PTPRM: variants seen among roughly 807,000 people sequenced by gnomAD.
PTPRM encodes the protein receptor-type tyrosine-protein phosphatase mu.
A neutral mutation model predicts 186.7 loss-of-function variants in PTPRM; 47 were observed. The ratio of observed to expected loss-of-function variants is 0.25; its 90% CI spans 0.20 to 0.32. The LOEUF is 0.32. PTPRM is among the 10% of genes least tolerant of loss of function. The pLI, the probability that PTPRM is intolerant of heterozygous loss-of-function variation, is 1.00. For synonymous variants in PTPRM, 668 were observed against 674.9 expected (o/e 0.99, Z 0.16); for missense variants, 1,494 against 1,865.0 (o/e 0.80, Z 3.66).
chr18:7,907,065 C>T (rs550204538), intron 4 of PTPRM, among the ~76,000 whole-genome samples: 3 of 152,238 alleles, frequency 2.0e-5, no homozygotes, highest in South Asian at 2.1e-4. Flanking sequence ...CCAGAAATGG[C>T]CTGCTCTTCA....
Position 7,705,321 on chromosome 18 carries a change from A to G in PTPRM, c.74-68828A>G, listed in dbSNP as rs868349696. Among the ~76,000 whole-genome samples the G allele has an allele frequency of 8.3e-3, 1,186 of 143,174 alleles. 21 individuals are homozygous for G. The highest frequency in any genetic ancestry group is 0.029 in the African/African-American group (1,139 of 39,476). The allele number at this position is 143,174 out of a possible 152,430, so 93.9% of individuals were successfully genotyped here. On this transcript the variant is annotated intron_variant, in intron 1 of 32. Coordinates refer to ENST00000580170, the MANE Select transcript of PTPRM (RefSeq NM_001105244.2). ...TATCTATCTATCTATCTATCTATCT[A>G]TCTATCTGTCTATCTAGCTAGCTAG...
chr18:7,886,782 A>G (rs180860543), intron 2 of PTPRM, among the ~76,000 whole-genome samples: 1 of 152,342 alleles, frequency 6.6e-6, no homozygotes, highest in Non-Finnish European at 1.5e-5. Flanking sequence ...GGTAGCAACC[A>G]TAAGAAAGCA....
intron 5 of PTPRM, among the ~76,000 whole-genome samples, chr18:7,929,548 G>A (rs1004529844): frequency 6.6e-6 from 1 of 152,150 alleles, no homozygotes; most frequent in Non-Finnish European, 1.5e-5. Context: ...GTGAATCTTT[G>A]TGATGTTAGA....
At chr18:8,032,374 G>A (rs2086037122) in intron 7 of PTPRM, among the ~76,000 whole-genome samples, 1 of 151,974 alleles carries the variant, frequency 6.6e-6, no homozygotes, top group South Asian at 2.1e-4. Flanking sequence ...TCTTATTGTT[G>A]TTTCCACTGC....
At chr18:8,250,708 G>A (rs950670860) in intron 17 of PTPRM, among the ~76,000 whole-genome samples, 6 of 151,570 alleles carry the variant, frequency 4.0e-5, no homozygotes, top group Admixed American at 3.9e-4. Context: ...AGGATTGCTG[G>A]AGCCCAGGAG....
At chr18:8,006,946 T>TTCCTAAGAGTTTAATTTCCA (rs1198582467) in intron 7 of PTPRM, among the ~76,000 whole-genome samples, 1 of 152,246 alleles carries the variant, frequency 6.6e-6, no homozygotes, top group Non-Finnish European at 1.5e-5. Flanking sequence ...GTTCTCAATA[T>TTCCTAAGAGTTTAATTTCCA]TCCTAAGAGT....
At chr18:7,622,231 C>T (rs1021713379) in intron 1 of PTPRM, among the ~76,000 whole-genome samples, 4 of 152,048 alleles carry the variant, frequency 2.6e-5, no homozygotes, top group Admixed American at 2.0e-4. Context: ...TTCTGAAATA[C>T]GTAGTGTATT....
chr18:7,599,444 A>G (rs1442932302), intron 1 of PTPRM, among the ~76,000 whole-genome samples: 1 of 152,182 alleles, frequency 6.6e-6, no homozygotes. Flanking sequence ...TAAGTTTACT[A>G]AAAGTACTAT....
intron 19 of PTPRM, among the ~76,000 whole-genome samples, chr18:8,260,540 C>T (rs2147484942): frequency 6.6e-6 from 1 of 152,220 alleles, no homozygotes; most frequent in Middle Eastern, 3.4e-3. Context: ...ATGAGGATGG[C>T]ACCAACCCAT....
chr18:7,574,987 G>A (rs192917290), intron 1 of PTPRM, among the ~76,000 whole-genome samples: 3 of 152,274 alleles, frequency 2.0e-5, no homozygotes, highest in South Asian at 2.1e-4. Flanking sequence ...AGCCGAGATC[G>A]CGCCACTGCA....
At chr18:7,727,476 T>C (rs2040573726) in intron 1 of PTPRM, among the ~76,000 whole-genome samples, 2 of 152,242 alleles carry the variant, frequency 1.3e-5, no homozygotes, top group Admixed American at 6.5e-5. Context: ...TTTTGCTTAG[T>C]TGTGCATTCC....
intron 7 of PTPRM, among the ~76,000 whole-genome samples, chr18:7,979,969 C>A (rs918199517): frequency 1.3e-5 from 2 of 152,210 alleles, no homozygotes; most frequent in Non-Finnish European, 2.9e-5. Flanking sequence ...CCAGCTCTCG[C>A]TCCTGCCTCT....
intron 7 of PTPRM, among the ~76,000 whole-genome samples, chr18:8,063,228 C>T (rs540043991): frequency 2.0e-5 from 3 of 151,192 alleles, no homozygotes; most frequent in East Asian, 2.0e-4. Flanking sequence ...TTTCCAGGTG[C>T]GCCCGTCACC....
chr18:7,716,834 GC>G (rs1215379808), intron 1 of PTPRM, among the ~76,000 whole-genome samples: 1 of 152,186 alleles, frequency 6.6e-6, no homozygotes, highest in Non-Finnish European at 1.5e-5. Flanking sequence ...AATAACAGAT[GC>G]TGGAGAGAAT....
At chr18:7,676,750 G>A (rs1358239465) in intron 1 of PTPRM, among the ~76,000 whole-genome samples, 3 of 151,730 alleles carry the variant, frequency 2.0e-5, no homozygotes, top group Admixed American at 6.6e-5. Context: ...AGATTTAATT[G>A]TACAAATCTT....
chr18:7,871,378 C>G (rs184567252), intron 2 of PTPRM, among the ~76,000 whole-genome samples: 2 of 152,254 alleles, frequency 1.3e-5, no homozygotes, highest in Admixed American at 1.3e-4. Flanking sequence ...CCTAAACTTG[C>G]GTTAGCCATT....
chr18:8,223,533 C>T (rs12458159), intron 14 of PTPRM, among the ~76,000 whole-genome samples: 7 of 152,156 alleles, frequency 4.6e-5, no homozygotes, highest in African/African-American at 1.4e-4. Context: ...AATGAAAGGC[C>T]GAATGCTCTC....
chr18:8,345,501 CAAAAAG>C (rs1329676090), intron 23 of PTPRM, among the ~76,000 whole-genome samples: 1 of 151,594 alleles, frequency 6.6e-6, no homozygotes, highest in Non-Finnish European at 1.5e-5. Flanking sequence ...AAAACTGACT[CAAAAAG>C]AAACAGAAAT....
At chr18:8,377,017 GC>G (rs1274236614) in intron 26 of PTPRM, 1 of 160,908 alleles carries the variant, frequency 6.2e-6, no homozygotes, top group Non-Finnish European at 1.4e-5. Flanking sequence ...AAGAACAGAA[GC>G]CTCCTGACCC....
Sources: allele counts gnomAD v4.1 joint callset (sites outside exome capture counted in the v4.1 genomes callset), GRCh38; gene constraint gnomAD v4.1.1; transcripts MANE v1.5; gene names NCBI Gene and HGNC (gene_info 2026-07-23, HGNC 2026-07-21).